The following SETDB2 variants were observed in gnomAD, a reference collection of about 807,000 sequenced individuals.
SETDB2 encodes the protein SET domain bifurcated histone lysine methyltransferase 2.
In SETDB2, 56 loss-of-function variants were observed where a neutral mutation model predicts 82.5. The observed-to-expected ratio is 0.68, with a 90% CI of 0.55 to 0.85. The LOEUF (loss-of-function observed/expected upper bound fraction) is 0.85. Ranked by LOEUF, SETDB2 falls within the 40% of genes least tolerant of loss-of-function variation. The pLI is 0.00. For missense variants in SETDB2, 677 were observed against 816.4 expected (o/e 0.83, Z 2.08); for synonymous variants, 272 against 284.9 (o/e 0.95, Z 0.46).
At chr13:49,474,918 T>C (rs1429140631) in intron 5 of SETDB2, among the ~76,000 whole-genome samples, 1 of 152,250 alleles carries the variant, frequency 6.6e-6, no homozygotes. Flanking sequence ...GCCCACTGGC[T>C]ACCATATCGG....
At chr13:49,472,915 T>C (rs1432969137) in intron 5 of SETDB2, among the ~76,000 whole-genome samples, 1 of 152,206 alleles carries the variant, frequency 6.6e-6, no homozygotes, top group East Asian at 1.9e-4. Context: ...AGAATACTTT[T>C]AATCTAGTTT....
At chr13:49,462,909 G>C (rs953989189) in intron 4 of SETDB2, among the ~76,000 whole-genome samples, 2 of 152,132 alleles carry the variant, frequency 1.3e-5, no homozygotes, top group Admixed American at 6.5e-5. Flanking sequence ...GGAATTGTAG[G>C]GGAGGAAAAA....
At chr13:49,477,196 G>A (rs2138944176) in intron 6 of SETDB2, among the ~76,000 whole-genome samples, 157 bp downstream of exon 6, 1 of 152,286 alleles carries the variant, frequency 6.6e-6, no homozygotes, top group South Asian at 2.1e-4. Context: ...AGCACTTTTG[G>A]GAGACCGAGT....
intron 5 of SETDB2, among the ~76,000 whole-genome samples, chr13:49,470,966 C>CTTTCTTTCTTTCTTTTT (rs10695231): frequency 5.0e-5 from 4 of 80,484 alleles, no homozygotes; most frequent in Admixed American, 3.3e-4. Flanking sequence ...TTCTTTCTTT[C>CTTTCTTTCTTTCTTTTT]TTTTTTTTTT....
chr13:49,458,369 C>A (rs948522145), intron 2 of SETDB2, among the ~76,000 whole-genome samples: 1 of 152,168 alleles, frequency 6.6e-6, no homozygotes, highest in African/African-American at 2.4e-5. Flanking sequence ...GATACTGTGC[C>A]CAGTTTGTTA....
chr13:49,485,880 T>C (rs747842750), intron 11 of SETDB2, 157 bp downstream of exon 11: 3 of 780,192 alleles, frequency 3.8e-6, no homozygotes, highest in Admixed American at 1.8e-5. Flanking sequence ...CAAAATATCG[T>C]GTGTGGGCCA....
chr13:49,483,609 ATTTTTTTTTTTTTTTTTT>A (rs745508872), intron 10 of SETDB2, 46 bp downstream of exon 10: 131 of 220,472 alleles, frequency 5.9e-4, no homozygotes, highest in African/African-American at 2.7e-3. Flanking sequence ...TCTTTTTTAA[ATTTTTTTTTTTTTTTTTT>A]TTTTTTTTTT....
chr13:49,445,576 A>G (rs1957655310), intron 1 of SETDB2: 2 of 152,074 alleles, frequency 1.3e-5, no homozygotes, highest in South Asian at 4.1e-4. Flanking sequence ...AACATGTTTT[A>G]CTTGTGCACG....
In SETDB2 at chr13:49,481,089, A is replaced by C; in HGVS notation, c.1129A>C (p.Arg377=). 1 of 1,613,430 alleles carries C rather than the reference A, an allele frequency of 6.2e-7. No individual in the cohort carries two copies. The highest frequency in any genetic ancestry group is 8.5e-7 in the Non-Finnish European group (1 of 1,179,686). The change falls in exon 8 of 14, where the codon AGA becomes CGA. Residue 377 remains arginine, a synonymous_variant. Coordinates refer to ENST00000611815, the MANE Select transcript of SETDB2 (RefSeq NM_001160308.3). ...WGVRCLDDID[R]GTFVCIYSGR... is the part of the protein sequence containing the mutation. ...TGTACGCTGTCTAGATGACATTGAC[A>C]GAGGGACATTTGTTTGCATTTATTC... is the stretch of plus-strand genomic sequence containing the variant.
rs376007157 is a variant in SETDB2 at position 49,444,382 on chromosome 13, C to G, written c.-817C>G. The G allele has an allele frequency of 1.5e-5, 3 of 201,882 alleles. No individual in the cohort carries two copies. In the South Asian group the frequency reaches 1.8e-4, roughly 12 times the overall value. The allele number at this position is 201,882 out of a possible 1,614,324, so 12.5% of individuals were successfully genotyped here. On this transcript the variant is annotated 5_prime_UTR_variant, in exon 1 of 14. Transcript: ENST00000611815. Reference sequence around the variant, plus strand: ...TTCCCGGCCAGAGGGCACCTGCGCTCGGGAGGTTTGGGCGGCTTGGCGTCG... The same window carrying G: ...TTCCCGGCCAGAGGGCACCTGCGCTGGGGAGGTTTGGGCGGCTTGGCGTCG...
In SETDB2 at chr13:49,482,874, C is replaced by T; in HGVS notation, c.1294C>T (p.Leu432Phe). The T allele has an allele frequency of 6.2e-7, 1 of 1,613,504 alleles. No homozygotes were observed. Among genetic ancestry groups the T allele is most frequent in the East Asian group, 2.2e-5 (1 of 44,770 alleles). The change falls in exon 9 of 14, where the codon CTC (leucine) becomes TTC (phenylalanine). Residue 432 changes from leucine (L) to phenylalanine (F), a missense_variant. Transcript: ENST00000611815. ...ATGTTCAGATTGTGAAGTTGAAGTTCTCCCATTAGGATTGGAAACACATCC... is the reference window on the plus strand; with the variant it reads ...ATGTTCAGATTGTGAAGTTGAAGTTTTCCCATTAGGATTGGAAACACATCC... ...VACSDCEVEV[L>F]PLGLETHPRT...
chr13:49,465,639 C>T (rs745783294), intron 4 of SETDB2, among the ~76,000 whole-genome samples: 19 of 152,166 alleles, frequency 1.2e-4, no homozygotes, highest in Non-Finnish European at 2.1e-4. Flanking sequence ...CGGGTTCAAG[C>T]GATTCTCCTG....
intron 1 of SETDB2, among the ~76,000 whole-genome samples, chr13:49,449,023 T>G (rs1372851993): frequency 6.6e-6 from 1 of 152,246 alleles, no homozygotes; most frequent in Non-Finnish European, 1.5e-5. Context: ...TTTCTTCTTA[T>G]AATTGCAGAT....
chr13:49,474,095 G>T, intron 5 of SETDB2, among the ~76,000 whole-genome samples: 1 of 152,118 alleles, frequency 6.6e-6, no homozygotes, highest in East Asian at 1.9e-4. Context: ...AACCCTGTCT[G>T]TACTAAAAAT....
At position 49,451,764 on chromosome 13, in the gene SETDB2, A is replaced by G. The variant is rs1049311895; in HGVS notation, c.-130A>G. On this transcript the variant is annotated 5_prime_UTR_variant, in exon 2 of 14. The change creates a new upstream start codon in the 5' untranslated region. Coordinates refer to ENST00000611815, the MANE Select transcript of SETDB2 (RefSeq NM_001160308.3). ...AAGGATACCAGGTTTAGAATGGTAT[A>G]ATGATGTATTTTGTCTGAGGACTGC... 1 of 582,786 alleles carries G rather than the reference A, an allele frequency of 1.7e-6. No homozygotes were observed. Among genetic ancestry groups the G allele is most frequent in the East Asian group, 3.2e-5 (1 of 31,228 alleles). 36.1% of individuals were successfully genotyped at this position (582,786 alleles called of 1,614,324 possible). A position where few individuals can be genotyped will look rare whatever the true frequency, so the allele number is the denominator to read the frequency against.
Position 49,476,694 on chromosome 13 carries a change from T to G in SETDB2, c.524T>G (p.Leu175Arg), listed in dbSNP as rs747151019. Residue 175 changes from leucine (L) to arginine (R), a missense_variant, in exon 6 of 14, where the codon CTC (leucine) becomes CGC (arginine). Coordinates refer to ENST00000611815, the MANE Select transcript of SETDB2 (RefSeq NM_001160308.3). The stretch of plus-strand genomic sequence containing the variant: ...AAGACAAACTCTCATTCTTCAGCAC[T>G]CCACGTGAGTTATAAAACCCCTTGT... ...HAKTNSHSSA[L>R]HVSYKTPCGR... The G allele has an allele frequency of 6.2e-7, 1 of 1,614,232 alleles. No individual in the cohort carries two copies. Among genetic ancestry groups the G allele is most frequent in the South Asian group, 1.1e-5 (1 of 91,092 alleles).
chr13:49,468,429 C>A (rs1396770095), intron 5 of SETDB2, among the ~76,000 whole-genome samples: 1 of 151,820 alleles, frequency 6.6e-6, no homozygotes, highest in Non-Finnish European at 1.5e-5. Context: ...CATAAAGATT[C>A]TTTGGCATAA....
At chr13:49,482,136 C>G in intron 8 of SETDB2, 2 of 985,356 alleles carry the variant, frequency 2.0e-6, no homozygotes, top group South Asian at 9.4e-5. Flanking sequence ...CAGGAAGTAT[C>G]ATTGGTTTTA....
intron 5 of SETDB2, among the ~76,000 whole-genome samples, chr13:49,471,934 A>ATTTTT (rs35468680): frequency 4.1e-4 from 49 of 119,260 alleles, no homozygotes; most frequent in South Asian, 1.4e-3. Flanking sequence ...ATATATATAT[A>ATTTTT]TTTTTTTTTT....
Sources: allele counts gnomAD v4.1 joint callset (sites outside exome capture counted in the v4.1 genomes callset), GRCh38; gene constraint gnomAD v4.1.1; transcripts MANE v1.5; gene names NCBI Gene and HGNC (gene_info 2026-07-23, HGNC 2026-07-21).